Variants in ONECUT2 observed in about 807,000 individuals in gnomAD.
ONECUT2 encodes the protein one cut domain family member 2.
ONECUT2 carries 10 observed loss-of-function variants against 27.9 expected under a neutral mutation model. The observed-to-expected ratio is 0.36, with a 90% confidence interval of 0.22 to 0.61. The LOEUF (loss-of-function observed/expected upper bound fraction) is 0.61, where lower values mean the gene tolerates loss of function less well. Ranked by LOEUF, ONECUT2 falls within the 20% of genes least tolerant of loss-of-function variation. ONECUT2 has a pLI of 0.73. For missense variants in ONECUT2, 686 were observed against 721.0 expected (o/e 0.95, Z 0.56); for synonymous variants, 334 against 315.1 (o/e 1.06, Z -0.64).
At chr18:57,450,482 G>T (rs1377196762) in intron 1 of ONECUT2, among the ~76,000 whole-genome samples, 2 of 152,204 alleles carry the variant, frequency 1.3e-5, no homozygotes, top group African/African-American at 4.8e-5. Context: ...CCTGAAAAAG[G>T]GGTATTGTTT....
chr18:57,450,481 G>A (rs1212289219), intron 1 of ONECUT2, among the ~76,000 whole-genome samples: 1 of 152,178 alleles, frequency 6.6e-6, no homozygotes, highest in Non-Finnish European at 1.5e-5. Flanking sequence ...ACCTGAAAAA[G>A]GGGTATTGTT....
intron 1 of ONECUT2, among the ~76,000 whole-genome samples, chr18:57,474,777 C>A (rs1192872383): frequency 7.2e-5 from 11 of 152,142 alleles, no homozygotes. Flanking sequence ...ACACATTGAA[C>A]AGGAAATGCA....
At chr18:57,450,176 C>A (rs1196550349) in intron 1 of ONECUT2, among the ~76,000 whole-genome samples, 1 of 152,060 alleles carries the variant, frequency 6.6e-6, no homozygotes, top group Non-Finnish European at 1.5e-5. Context: ...GTATTCTTTT[C>A]TTATTTTATT....
intron 1 of ONECUT2, among the ~76,000 whole-genome samples, chr18:57,446,209 G>A (rs2050199893): frequency 6.6e-6 from 1 of 152,180 alleles, no homozygotes. Flanking sequence ...GCAAGCAATT[G>A]CACAACTTGT....
Position 57,435,993 on chromosome 18 carries a change from A to C in ONECUT2, c.277A>C (p.Thr93Pro). Residue 93 changes from threonine to proline, a missense_variant, in exon 1 of 2, where the codon ACG (threonine) becomes CCG (proline). This residue lies in a region of ONECUT2 where 511 missense variants were observed against 488.1 expected (regional missense o/e 1.05). Transcript: ENST00000491143. ...PPPTAHQELG[T>P]AAAAAAAASR... ...TCCAACCGCGCACCAGGAGCTGGGC[A>C]CGGCGGCAGCGGCGGCAGCGGCGGC... is the stretch of plus-strand genomic sequence containing the variant. 1 of 1,507,834 alleles carries C rather than the reference A, an allele frequency of 6.6e-7. No individual in the cohort carries two copies. The highest frequency in any genetic ancestry group is 8.8e-7 in the Non-Finnish European group (1 of 1,132,456). 93.4% of individuals were successfully genotyped at this position (1,507,834 alleles called of 1,614,324 possible). A position where few individuals can be genotyped will look rare whatever the true frequency, so the allele number is the denominator to read the frequency against.
rs373584152 is a variant in ONECUT2, at chr18:57,436,064, C to T, written c.348C>T (p.Gly116=). 14 of 1,594,476 alleles carry T rather than the reference C, an allele frequency of 8.8e-6. No individual in the cohort carries two copies. Among genetic ancestry groups the T allele is most frequent in the African/African-American group, 2.7e-5 (2 of 74,824 alleles). The change falls in exon 1 of 2, where the codon GGC becomes GGT. Residue 116 remains glycine, a synonymous_variant. Transcript: ENST00000491143. The surrounding 1 kb of genome is among the most constrained non-coding windows in gnomAD (Gnocchi z 5.9). Reference sequence around the variant, plus strand: ...CCAGCATGGCCTCGATCCTGGACGGCGGCGACTACCGGCCCGAGCTCTCCA... The same window carrying T: ...CCAGCATGGCCTCGATCCTGGACGGTGGCGACTACCGGCCCGAGCTCTCCA... ...MVTSMASILD[G]GDYRPELSIP...
At chr18:57,447,329 G>T (rs762871104) in intron 1 of ONECUT2, among the ~76,000 whole-genome samples, 2 of 152,180 alleles carry the variant, frequency 1.3e-5, no homozygotes, top group African/African-American at 2.4e-5. Flanking sequence ...GCGAATTGGA[G>T]ATGGACCCTC....
In ONECUT2 at chr18:57,436,543, A is replaced by C. The variant is rs775962250; in HGVS notation, c.827A>C (p.His276Pro). Residue 276 changes from histidine (H) to proline (P), a missense_variant, in exon 1 of 2, where the codon CAC becomes CCC. Physicochemically the swap from His to Pro is moderately conservative, Grantham distance 77. Transcript: ENST00000491143. The surrounding 1 kb of genome is among the most constrained non-coding windows in gnomAD (Gnocchi z 5.9). ...GCCATGCTGACCCGCGGTGAGCAAC[A>C]CCTGTCCCGCGGCCTGGGCACCCCA... ...HTAMLTRGEQ[H>P]LSRGLGTPPA... is the part of the protein sequence containing the mutation. 2.5e-6 allele frequency: 4 copies of C among 1,611,978 alleles called. No homozygotes were observed. In the East Asian group the frequency reaches 6.7e-5, roughly 27 times the overall value.
At position 57,483,127 on chromosome 18, in the gene ONECUT2, A is replaced by G. The variant is rs932847106; in HGVS notation, c.*6404A>G. ...CCTGAAAAAGGACAAAAAGAAAAAA[A>G]AAAAAAGAAAAAACAAAGAAAAAGA... On this transcript the variant is annotated 3_prime_UTR_variant, in exon 2 of 2. Coordinates refer to ENST00000491143, the MANE Select transcript of ONECUT2 (RefSeq NM_004852.3). 4.0e-5 allele frequency: 6 copies of G among 150,322 alleles called. No homozygotes were observed. Among genetic ancestry groups the G allele is most frequent in the East Asian group, 1.9e-4 (1 of 5,200 alleles). The allele number at this position is 150,322 out of a possible 1,614,324, so 9.3% of individuals were successfully genotyped here. A position where few individuals can be genotyped will look rare whatever the true frequency, so the allele number is the denominator to read the frequency against.
rs541927395 is a variant in ONECUT2, at chr18:57,464,102, C to CCA, written c.1229-12334_1229-12333dup. Among the ~76,000 whole-genome samples, 40 of 152,088 alleles carry CCA rather than the reference C, an allele frequency of 2.6e-4. No homozygotes were observed. The East Asian group carries it at 7.5e-3, about 29-fold the overall frequency. ...GAGTCACACTACCTGAATTTGACTC[C>CCA]CAGCCTGTTATTTACTATGTAACTT... On this transcript the variant is annotated intron_variant, in intron 1 of 1. Transcript: ENST00000491143.
rs1476644994 is a variant in ONECUT2 at position 57,486,580 on chromosome 18, ACT to A, written c.*9858_*9859del. On this transcript the variant is annotated 3_prime_UTR_variant, in exon 2 of 2. Transcript: ENST00000491143. ...TTATAGCGTATGTAATAAATTATTC[ACT>A]GTTTCTTTTGGTAACTGTGATTTAA... 2 of 152,600 alleles carry A rather than the reference ACT, an allele frequency of 1.3e-5. No individual in the cohort carries two copies. The highest frequency in any genetic ancestry group is 4.8e-5 in the African/African-American group (2 of 41,440). 9.5% of individuals were successfully genotyped at this position (152,600 alleles called of 1,614,324 possible).
At chr18:57,462,626 G>T (rs1034670135) in intron 1 of ONECUT2, among the ~76,000 whole-genome samples, 1 of 151,632 alleles carries the variant, frequency 6.6e-6, no homozygotes, top group Non-Finnish European at 1.5e-5. Context: ...ATTTTAACGG[G>T]CCCCAATATA....
chr18:57,444,395 A>G, intron 1 of ONECUT2: 1 of 456,786 alleles, frequency 2.2e-6, no homozygotes, highest in Admixed American at 2.3e-5. Context: ...GGCCACAGGC[A>G]GCAGCAGCTC....
rs1273635399 is a variant in ONECUT2 at position 57,436,535 on chromosome 18, T to G, written c.819T>G (p.Gly273=). 1 of 1,612,486 alleles carries G rather than the reference T, an allele frequency of 6.2e-7. No homozygotes were observed. The highest frequency in any genetic ancestry group is 1.3e-5 in the African/African-American group (1 of 74,892). The change falls in exon 1 of 2, where the codon GGT becomes GGG. Residue 273 remains glycine (G), a synonymous_variant. Coordinates refer to ENST00000491143, the MANE Select transcript of ONECUT2 (RefSeq NM_004852.3). This position sits in a 1 kb window ranked among gnomAD's most constrained non-coding sequence, Gnocchi z 5.9. ...ACCACACTGCCATGCTGACCCGCGG[T>G]GAGCAACACCTGTCCCGCGGCCTGG... The part of the protein sequence containing the change: ...DAHHTAMLTR[G]EQHLSRGLGT...
At position 57,436,748 on chromosome 18, in the gene ONECUT2, G is replaced by A. The variant is rs748193425; in HGVS notation, c.1032G>A (p.Ala344=). ...AAGAGGTGGCCCAGCGCATCACAGC[G>A]GAGCTGAAGCGCTACAGTATCCCCC... The part of the protein sequence containing the change: ...NTKEVAQRIT[A]ELKRYSIPQA... The change falls in exon 1 of 2, where the codon GCG becomes GCA. Residue 344 remains alanine, a synonymous_variant. Coordinates refer to ENST00000491143, the MANE Select transcript of ONECUT2 (RefSeq NM_004852.3). The surrounding 1 kb of genome is among the most constrained non-coding windows in gnomAD (Gnocchi z 5.9). 6.2e-6 allele frequency: 10 copies of A among 1,613,882 alleles called. No individual in the cohort carries two copies. The highest frequency in any genetic ancestry group is 1.6e-4 in the Middle Eastern group (1 of 6,084).
rs1447579487 is a variant in ONECUT2 at position 57,436,238 on chromosome 18, C to T, written c.522C>T (p.His174=). The T allele has an allele frequency of 1.2e-6, 2 of 1,603,336 alleles. No individual in the cohort carries two copies. The highest frequency in any genetic ancestry group is 4.5e-5 in the East Asian group (2 of 44,496). The change falls in exon 1 of 2, where the codon CAC becomes CAT. Residue 174 remains histidine (H), a synonymous_variant. Coordinates refer to ENST00000491143, the MANE Select transcript of ONECUT2 (RefSeq NM_004852.3). The surrounding 1 kb of genome is among the most constrained non-coding windows in gnomAD (Gnocchi z 5.9). ...AGTTCCACCACCCTCACCCGCACCA[C>T]CATCCGCACCACCACCACCACCACC... ...SDKFHHPHPH[H]HPHHHHHHHH...
intron 1 of ONECUT2, among the ~76,000 whole-genome samples, chr18:57,458,917 A>G (rs563575913): frequency 6.6e-6 from 1 of 152,346 alleles, no homozygotes; most frequent in Admixed American, 6.5e-5. Context: ...TAGTTGCTGG[A>G]TTTAAAAATA....
At position 57,486,372 on chromosome 18, in the gene ONECUT2, T is replaced by G. The variant is rs2050438346; in HGVS notation, c.*9649T>G. 1.3e-5 allele frequency: 2 copies of G among 152,634 alleles called. No homozygotes were observed. The allele number at this position is 152,634 out of a possible 1,614,324, so 9.5% of individuals were successfully genotyped here. On this transcript the variant is annotated 3_prime_UTR_variant, in exon 2 of 2. Coordinates refer to ENST00000491143, the MANE Select transcript of ONECUT2 (RefSeq NM_004852.3). Reference sequence around the variant, plus strand: ...ACCCTGCAAAGAACAAGATTTGTACTAATACCAAAGGTTCTTTCTCTATGT... The same window carrying G: ...ACCCTGCAAAGAACAAGATTTGTACGAATACCAAAGGTTCTTTCTCTATGT...
At chr18:57,450,903 T>C (rs1448580105) in intron 1 of ONECUT2, among the ~76,000 whole-genome samples, 2 of 152,200 alleles carry the variant, frequency 1.3e-5, no homozygotes, top group Non-Finnish European at 2.9e-5. Flanking sequence ...ATGAATCCAT[T>C]GCTGCCTACA....
Sources: allele counts gnomAD v4.1 joint callset (sites outside exome capture counted in the v4.1 genomes callset), GRCh38; gene constraint gnomAD v4.1.1; regional missense constraint gnomAD v4.1.1; non-coding constraint Gnocchi (gnomAD v3.1); transcripts MANE v1.5; gene names NCBI Gene and HGNC (gene_info 2026-07-23, HGNC 2026-07-21).